Variants in SYT7 observed in about 807,000 individuals in gnomAD.
The protein encoded by SYT7 is synaptotagmin-7.
SYT7 carries 29 observed loss-of-function variants against 75.1 expected under a neutral mutation model. That is an observed-to-expected ratio of 0.39 (90% CI 0.29 to 0.53). The LOEUF (loss-of-function observed/expected upper bound fraction) is 0.53. SYT7 is among the 20% of genes least tolerant of loss of function. The probability of loss-of-function intolerance (pLI) is 0.77; values close to 1 mark genes in which losing one functional copy is unlikely to be tolerated. For synonymous variants in SYT7, 376 were observed against 401.7 expected, an observed-to-expected ratio of 0.94 and a Z score of 0.76; for missense variants, 693 against 953.2, an observed-to-expected ratio of 0.73 and a Z score of 3.59.
At chr11:61,586,359 A>C in the SYT7 span, among the ~76,000 whole-genome samples, 1 of 152,180 alleles carries the variant, frequency 6.6e-6, no homozygotes, top group African/African-American at 2.4e-5. Context: ...CCCCTTGGGC[A>C]GCTCTGGGAC....
intron 1 of SYT7, among the ~76,000 whole-genome samples, chr11:61,564,742 A>G (rs1214416569): frequency 6.6e-6 from 1 of 152,184 alleles, no homozygotes; most frequent in Non-Finnish European, 1.5e-5. Context: ...CAAGAATTTT[A>G]CCAGTTAGAG....
At chr11:61,548,309 C>T (rs2063250282) in intron 3 of SYT7, among the ~76,000 whole-genome samples, 1 of 152,226 alleles carries the variant, frequency 6.6e-6, no homozygotes, top group Non-Finnish European at 1.5e-5. Flanking sequence ...GGTGGAGCTG[C>T]TGGGTCTGGA....
At chr11:61,540,548 GA>G (rs2063010980) in intron 6 of SYT7, 1 of 985,410 alleles carries the variant, frequency 1.0e-6, no homozygotes, top group African/African-American at 1.7e-5. Context: ...CAACTAGGGG[GA>G]CATGAGACTT....
chr11:61,519,970 G>A (rs920244025), intron 12 of SYT7, among the ~76,000 whole-genome samples: 9 of 151,902 alleles, frequency 5.9e-5, no homozygotes, highest in Admixed American at 3.9e-4. Flanking sequence ...ACAGGCGCCC[G>A]CCACCACGCC....
At chr11:61,536,391 G>A (rs1056997267) in intron 7 of SYT7, among the ~76,000 whole-genome samples, 43 of 152,126 alleles carry the variant, frequency 2.8e-4, no homozygotes, top group Admixed American at 2.8e-3. Context: ...GCTCCCTCAC[G>A]CTTCACACCT....
chr11:61,516,895 A>T lies in SYT7; in HGVS notation c.*1732T>A. 5.0e-6 allele frequency: 1 copy of T among 200,350 alleles called. No individual in the cohort carries two copies. The highest frequency in any genetic ancestry group is 1.0e-5 in the Non-Finnish European group (1 of 100,380). 12.4% of individuals were successfully genotyped at this position (200,350 alleles called of 1,614,324 possible). On this transcript the variant is annotated 3_prime_UTR_variant, in exon 13 of 13. Coordinates refer to ENST00000539008, the MANE Select transcript of SYT7 (RefSeq NM_001365809.2). The surrounding 1 kb of genome is among the most constrained non-coding windows in gnomAD (Gnocchi z 4.6). ...TTTCAGAAAATTTCGGTATGGGCAAAAGGCGACCCGTCTACTGCAGCAAGC... is the reference window on the plus strand; with the variant it reads ...TTTCAGAAAATTTCGGTATGGGCAATAGGCGACCCGTCTACTGCAGCAAGC...
In SYT7 at chr11:61,528,125, G is replaced by A. The variant is rs757305732; in HGVS notation, c.1261C>T (p.Arg421Trp). The change falls in exon 9 of 13, where the codon CGG becomes TGG. Residue 421 changes from arginine to tryptophan, a missense_variant. Transcript: ENST00000539008. ...HEGCSRENLG[R>W]IQFSVGYNFQ... ...TTGTAGCCGACACTGAACTGGATCC[G>A]GCCCAGGTTCTCTCGGCTGCAACCC... 6.8e-6 allele frequency: 11 copies of A among 1,613,370 alleles called. No individual in the cohort carries two copies. The East Asian group carries it at 8.9e-5, about 13-fold the overall frequency.
intron 7 of SYT7, 59 bp from the exon 8 acceptor site, chr11:61,533,183 C>G (rs761215251): frequency 6.7e-7 from 1 of 1,497,940 alleles, no homozygotes; most frequent in African/African-American, 1.4e-5. Flanking sequence ...TTGGGCACCC[C>G]GGCCTGGGGG....
At chr11:61,535,482 G>A (rs1487609016) in intron 7 of SYT7, among the ~76,000 whole-genome samples, 2 of 152,236 alleles carry the variant, frequency 1.3e-5, no homozygotes, top group East Asian at 1.9e-4. Flanking sequence ...GGGTGGACAC[G>A]AGCAGAGTGG....
intron 1 of SYT7, among the ~76,000 whole-genome samples, chr11:61,574,372 C>G (rs1365535286): frequency 6.6e-6 from 1 of 152,182 alleles, no homozygotes; most frequent in East Asian, 1.9e-4. Context: ...AAATCAATAG[C>G]TGTTTGACAC....
At chr11:61,540,442 G>T in intron 6 of SYT7, 1 of 866,880 alleles carries the variant, frequency 1.2e-6, no homozygotes, top group Non-Finnish European at 1.4e-6. Flanking sequence ...AAAAGAATAT[G>T]TGATGATCAC....
intron 8 of SYT7, among the ~76,000 whole-genome samples, chr11:61,531,425 C>G (rs543059809): frequency 8.7e-4 from 133 of 152,082 alleles, no homozygotes; most frequent in African/African-American, 2.9e-3. Context: ...AATGGCCCAT[C>G]CAGAAGAGAA....
chr11:61,528,299 A>G (rs574062268), intron 8 of SYT7, 114 bp from the exon 9 acceptor site: 41 of 1,316,902 alleles, frequency 3.1e-5, no homozygotes, highest in Non-Finnish European at 2.0e-5. Context: ...CCACACTCAC[A>G]TCCCACGGAC....
chr11:61,543,268 T>C (rs910345102), intron 5 of SYT7, among the ~76,000 whole-genome samples: 1 of 152,142 alleles, frequency 6.6e-6, no homozygotes, highest in African/African-American at 2.4e-5. Flanking sequence ...CCTGGGACCT[T>C]GGAAATATCT....
chr11:61,534,188 G>C (rs531908496), intron 7 of SYT7, among the ~76,000 whole-genome samples: 1 of 152,202 alleles, frequency 6.6e-6, no homozygotes, highest in African/African-American at 2.4e-5. Flanking sequence ...AAATAGAACA[G>C]CTTTGAGAGC....
In SYT7 at chr11:61,576,272, G is replaced by A. The variant is rs1333583510; in HGVS notation, c.31+4518C>T. On this transcript the variant is annotated intron_variant, in intron 1 of 12. Transcript: ENST00000539008. This position sits in a 1 kb window ranked among gnomAD's most constrained non-coding sequence, Gnocchi z 4.1. ...GAAGGTCAGGGACCTCCATGCCCAC[G>A]GAACTGGCAGAATTCACCTGGCATC... is the stretch of plus-strand genomic sequence containing the variant. Among the ~76,000 whole-genome samples, 1 of 152,208 alleles carries A rather than the reference G, an allele frequency of 6.6e-6. No homozygotes were observed. The highest frequency in any genetic ancestry group is 2.4e-5 in the African/African-American group (1 of 41,456).
rs145268858 is a variant in SYT7, at chr11:61,558,765, G to A, written c.32-2558C>T. ...ACCTCTGCCTCTTTTTTGTTGAGAC[G>A]GAGCTCTGCTCTTTTCACCCAGGCT... is the stretch of plus-strand genomic sequence containing the variant. On this transcript the variant is annotated intron_variant, in intron 1 of 12. Coordinates refer to ENST00000539008, the MANE Select transcript of SYT7 (RefSeq NM_001365809.2). Among the ~76,000 whole-genome samples, 377 of 151,830 alleles carry A rather than the reference G, an allele frequency of 2.5e-3. 2 individuals are homozygous for A. Among genetic ancestry groups the A allele is most frequent in the African/African-American group, 8.6e-3 (356 of 41,330 alleles).
chr11:61,568,480 C>T (rs2063834489), intron 1 of SYT7, among the ~76,000 whole-genome samples: 1 of 152,172 alleles, frequency 6.6e-6, no homozygotes, highest in African/African-American at 2.4e-5. Flanking sequence ...CTCATTTAGC[C>T]TTCCAGCCAC....
upstream of SYT7, among the ~76,000 whole-genome samples, chr11:61,582,670 G>A (rs1310660125): frequency 6.6e-6 from 1 of 152,178 alleles, no homozygotes; most frequent in Non-Finnish European, 1.5e-5. Context: ...AAGGAAAAAA[G>A]GCATCGTAGG....
Sources: allele counts gnomAD v4.1 joint callset (sites outside exome capture counted in the v4.1 genomes callset), GRCh38; gene constraint gnomAD v4.1.1; non-coding constraint Gnocchi (gnomAD v3.1); transcripts MANE v1.5; gene names NCBI Gene and HGNC (gene_info 2026-07-23, HGNC 2026-07-21).